CLSTN2: variants seen among roughly 807,000 people sequenced by gnomAD.
The protein encoded by CLSTN2 is calsyntenin 2, also known as calsyntenin-2.
CLSTN2 carries 48 observed loss-of-function variants against 101.2 expected under a neutral mutation model. The observed-to-expected ratio is 0.47, with a 90% CI of 0.38 to 0.60. The LOEUF (loss-of-function observed/expected upper bound fraction) is 0.60, where lower values mean the gene tolerates loss of function less well. CLSTN2 is among the 20% of genes least tolerant of loss of function. The pLI, the probability that CLSTN2 is intolerant of heterozygous loss-of-function variation, is 0.00. For synonymous variants in CLSTN2, 481 were observed against 463.6 expected (o/e 1.04, Z -0.48); for missense variants, 1,160 against 1,238.2 (o/e 0.94, Z 0.95).
chr3:140,093,258 G>A (rs1378111459), intron 1 of CLSTN2, among the ~76,000 whole-genome samples: 4 of 152,246 alleles, frequency 2.6e-5, no homozygotes, highest in Admixed American at 2.6e-4. Flanking sequence ...TGAAAGGAGT[G>A]TATTTAAAGT....
intron 2 of CLSTN2, among the ~76,000 whole-genome samples, chr3:140,210,625 C>G (rs1225473941): frequency 6.6e-6 from 1 of 152,206 alleles, no homozygotes; most frequent in Non-Finnish European, 1.5e-5. Context: ...AGCTGCTTCT[C>G]TCTTGGTTGG....
chr3:140,528,255 C>T (rs1415923254), intron 8 of CLSTN2, among the ~76,000 whole-genome samples: 1 of 152,130 alleles, frequency 6.6e-6, no homozygotes, highest in Non-Finnish European at 1.5e-5. Context: ...TTATGACTAT[C>T]ACCCGCTTCT....
At chr3:140,227,282 GC>G (rs1190812625) in intron 2 of CLSTN2, among the ~76,000 whole-genome samples, 5 of 152,158 alleles carry the variant, frequency 3.3e-5, no homozygotes, top group Admixed American at 6.5e-5. Context: ...AAACAAAGGG[GC>G]TACAGGCTCC....
intron 2 of CLSTN2, among the ~76,000 whole-genome samples, chr3:140,278,059 G>T (rs1019015340): frequency 1.3e-5 from 2 of 152,176 alleles, no homozygotes; most frequent in Non-Finnish European, 2.9e-5. Context: ...GCTGCCCCCT[G>T]AAGTGTCACA....
chr3:140,442,360 C>T (rs955206874), intron 5 of CLSTN2, among the ~76,000 whole-genome samples: 7 of 152,120 alleles, frequency 4.6e-5, no homozygotes, highest in African/African-American at 1.4e-4. Context: ...TTCAAACTAG[C>T]GAATCTTAAA....
intron 1 of CLSTN2, among the ~76,000 whole-genome samples, chr3:140,042,624 T>C (rs997752469): frequency 2.6e-5 from 4 of 152,260 alleles, no homozygotes; most frequent in East Asian, 1.9e-4. Flanking sequence ...GCTGCACCCA[T>C]TAACTCATCA....
chr3:140,414,704 A>G (rs2088407966), intron 4 of CLSTN2, among the ~76,000 whole-genome samples: 1 of 152,002 alleles, frequency 6.6e-6, no homozygotes, highest in Non-Finnish European at 1.5e-5. Flanking sequence ...TACCCCTAAA[A>G]CTATTAAAAT....
At chr3:140,343,474 G>T (rs1015994402) in intron 2 of CLSTN2, among the ~76,000 whole-genome samples, 1 of 152,178 alleles carries the variant, frequency 6.6e-6, no homozygotes, top group Non-Finnish European at 1.5e-5. Flanking sequence ...AAGATTGCAC[G>T]TAAGTCTGTA....
At chr3:140,006,475 C>T (rs1303200507) in intron 1 of CLSTN2, among the ~76,000 whole-genome samples, 2 of 152,212 alleles carry the variant, frequency 1.3e-5, no homozygotes, top group African/African-American at 4.8e-5. Flanking sequence ...CAGCCTCCTT[C>T]AAATCCCTTG....
At chr3:140,556,686 G>GGCCAACTGAGGCAGCAGTTGGGAAGGT in intron 11 of CLSTN2, 25 bp downstream of exon 11, 1 of 1,608,708 alleles carries the variant, frequency 6.2e-7, no homozygotes, top group Non-Finnish European at 8.5e-7. Context: ...GTCAGCCTGG[G>GGCCAACTGAGGCAGCAGTTGGGAAGGT]GCCAACTGAG....
chr3:140,256,235 G>A (rs752071238), intron 2 of CLSTN2, among the ~76,000 whole-genome samples: 4 of 152,132 alleles, frequency 2.6e-5, no homozygotes, highest in Non-Finnish European at 2.9e-5. Flanking sequence ...CTTTCAAAAT[G>A]TAGATGCCCA....
At chr3:140,084,197 C>T (rs1035102044) in intron 1 of CLSTN2, among the ~76,000 whole-genome samples, 2 of 152,106 alleles carry the variant, frequency 1.3e-5, no homozygotes, top group African/African-American at 4.8e-5. Context: ...TCCCGTGTGC[C>T]CTCCTGAGAG....
chr3:140,365,552 C>T (rs899316273), intron 2 of CLSTN2, among the ~76,000 whole-genome samples: 54 of 152,150 alleles, frequency 3.5e-4, no homozygotes, highest in African/African-American at 1.3e-3. Context: ...GTCCTTCCCA[C>T]AGCCCAGGGA....
chr3:140,277,667 C>G (rs779993027), intron 2 of CLSTN2, among the ~76,000 whole-genome samples: 45 of 151,910 alleles, frequency 3.0e-4, no homozygotes, highest in Non-Finnish European at 7.4e-5. Context: ...TTTCCCCTAC[C>G]AGTGCACTTA....
chr3:140,006,627 C>T (rs891970366), intron 1 of CLSTN2, among the ~76,000 whole-genome samples: 1 of 152,222 alleles, frequency 6.6e-6, no homozygotes, highest in African/African-American at 2.4e-5. Flanking sequence ...GGCTGTCTTT[C>T]CTGTCTCCTG....
intron 2 of CLSTN2, among the ~76,000 whole-genome samples, chr3:140,191,612 A>G (rs2010567067): frequency 6.6e-6 from 1 of 151,766 alleles, no homozygotes; most frequent in African/African-American, 2.4e-5. Context: ...TTTATATTGG[A>G]TGGGTTGTAG....
At chr3:140,437,973 C>T (rs1261450404) in intron 5 of CLSTN2, among the ~76,000 whole-genome samples, 1 of 152,118 alleles carries the variant, frequency 6.6e-6, no homozygotes, top group Non-Finnish European at 1.5e-5. Context: ...TTCACTGACC[C>T]CCTCAGTGGC....
chr3:140,451,991 A>T (rs933008182), intron 6 of CLSTN2, among the ~76,000 whole-genome samples: 3 of 152,184 alleles, frequency 2.0e-5, no homozygotes, highest in Non-Finnish European at 4.4e-5. Context: ...AATTTAAGAC[A>T]GGCTTGGAGA....
intron 9 of CLSTN2, among the ~76,000 whole-genome samples, chr3:140,541,403 T>C (rs1209268294): frequency 2.0e-5 from 3 of 152,224 alleles, no homozygotes; most frequent in African/African-American, 4.8e-5. Flanking sequence ...TCATTTTCTG[T>C]AGGGTGCTTG....
Sources: allele counts gnomAD v4.1 joint callset (sites outside exome capture counted in the v4.1 genomes callset), GRCh38; gene constraint gnomAD v4.1.1; transcripts MANE v1.5; gene names NCBI Gene and HGNC (gene_info 2026-07-23, HGNC 2026-07-21).